NCKAP5: variants seen among roughly 807,000 people sequenced by gnomAD.
NCKAP5 encodes the protein NCK associated protein 5, also known as nck-associated protein 5.
NCKAP5 carries 92 observed loss-of-function variants against 167.0 expected under a neutral mutation model. The ratio of observed to expected loss-of-function variants is 0.55; its 90% CI spans 0.47 to 0.66. The LOEUF is 0.66. NCKAP5 is among the 30% of genes least tolerant of loss of function. NCKAP5 has a pLI of 0.00. For synonymous variants in NCKAP5, 891 were observed against 877.4 expected (o/e 1.02, Z -0.27); for missense variants, 2,378 against 2,315.0 (o/e 1.03, Z -0.56).
intron 4 of NCKAP5, among the ~76,000 whole-genome samples, chr2:133,250,378 T>C (rs915991525): frequency 2.0e-5 from 3 of 152,118 alleles, no homozygotes; most frequent in Admixed American, 1.3e-4. Flanking sequence ...TGCCTCACCC[T>C]GGACACCCAC....
intron 8 of NCKAP5, among the ~76,000 whole-genome samples, chr2:132,918,053 T>G (rs1695019376): frequency 6.6e-6 from 1 of 152,206 alleles, no homozygotes; most frequent in African/African-American, 2.4e-5. Context: ...TCAGGAAGGA[T>G]TTAATGAGTT....
intron 11 of NCKAP5, among the ~76,000 whole-genome samples, chr2:132,808,906 G>A (rs757465743): frequency 6.6e-6 from 1 of 151,896 alleles, no homozygotes; most frequent in African/African-American, 2.4e-5. Context: ...AGGCATTTAG[G>A]GCTCTGAAAT....
In NCKAP5 at chr2:132,673,300, C is replaced by T. The variant is rs1683975086; in HGVS notation, c.5719G>A (p.Glu1907Lys). 6.1e-6 allele frequency: 9 copies of T among 1,473,224 alleles called. No individual in the cohort carries two copies. The highest frequency in any genetic ancestry group is 8.2e-6 in the Non-Finnish European group (9 of 1,091,996). The allele number at this position is 1,473,224 out of a possible 1,614,324, so 91.3% of individuals were successfully genotyped here. ...CGTCTTTTGTTTCTTCAAGTTGTCT[C>T]AATTTCTGCAATAAAAAGAAGAAAA... is the stretch of plus-strand genomic sequence containing the variant. ...KALKSAAPEI[E>K]TT Residue 1907 changes from glutamate (E) to lysine (K), a missense_variant, in exon 20 of 20, where the codon GAG (glutamate) becomes AAG (lysine). By Grantham distance (56) the Glu-to-Lys change is moderately conservative. This residue lies in a region of NCKAP5 where 1,325 missense variants were observed against 1,274.5 expected (regional missense o/e 1.04). Transcript: ENST00000409261.
chr2:133,173,601 C>T (rs899860048), intron 5 of NCKAP5, among the ~76,000 whole-genome samples: 4 of 152,116 alleles, frequency 2.6e-5, no homozygotes, highest in African/African-American at 9.7e-5. Context: ...CCCACTGGTC[C>T]CCCTAACCCT....
At chr2:133,400,482 AGAG>A (rs1161766938) in intron 3 of NCKAP5, among the ~76,000 whole-genome samples, 4 of 152,290 alleles carry the variant, frequency 2.6e-5, no homozygotes, top group South Asian at 4.1e-4. Flanking sequence ...TCTGGAGAGA[AGAG>A]GAGAAGTGAG....
chr2:133,467,384 T>G (rs1692682945), intron 3 of NCKAP5, among the ~76,000 whole-genome samples: 1 of 152,200 alleles, frequency 6.6e-6, no homozygotes, highest in Non-Finnish European at 1.5e-5. Flanking sequence ...TGGATAAGCT[T>G]TTTGATGTGC....
At chr2:133,669,858 A>C in the NCKAP5 span, among the ~76,000 whole-genome samples, 2 of 152,194 alleles carry the variant, frequency 1.3e-5, no homozygotes, top group South Asian at 4.1e-4. Context: ...CTATAGACCC[A>C]CAGATTTAGT....
chr2:133,039,462 G>A (rs545755581), intron 6 of NCKAP5, among the ~76,000 whole-genome samples: 2 of 152,154 alleles, frequency 1.3e-5, no homozygotes, highest in East Asian at 3.9e-4. Flanking sequence ...TTCCTTTTAG[G>A]ATCAGAGTCT....
chr2:133,413,415 C>T (rs1688899464), intron 3 of NCKAP5, among the ~76,000 whole-genome samples: 1 of 151,930 alleles, frequency 6.6e-6, no homozygotes, highest in African/African-American at 2.4e-5. Context: ...TTGTGATTGG[C>T]CTGTACAGAG....
intron 13 of NCKAP5, among the ~76,000 whole-genome samples, chr2:132,789,343 C>T (rs1446158784): frequency 3.9e-5 from 6 of 152,144 alleles, no homozygotes; most frequent in African/African-American, 1.4e-4. Context: ...TTTGATAATG[C>T]AGCAGGCTCT....
In NCKAP5 at chr2:132,895,828, A is replaced by C. The variant is rs1214716980; in HGVS notation, c.580-16912T>G. 9.5e-5 allele frequency among the ~76,000 whole-genome samples: 14 copies of C among 147,200 alleles called. No individual in the cohort carries two copies. The East Asian group carries it at 9.7e-4, about 10-fold the overall frequency. ...AATGAGAAGGACTCAAAAAAAAAAA[A>C]AAAAACAAAAAAAAAAACACAGTAG... On this transcript the variant is annotated intron_variant, in intron 8 of 19. Coordinates refer to ENST00000409261, the MANE Select transcript of NCKAP5 (RefSeq NM_207363.3).
intron 10 of NCKAP5, among the ~76,000 whole-genome samples, chr2:132,868,224 T>C (rs1203299507): frequency 1.3e-5 from 2 of 152,132 alleles, no homozygotes; most frequent in South Asian, 4.1e-4. Flanking sequence ...GAACTAAAAT[T>C]TAGCTTCTCA....
At chr2:133,507,628 T>C (rs1020625487) in intron 3 of NCKAP5, among the ~76,000 whole-genome samples, 1 of 152,144 alleles carries the variant, frequency 6.6e-6, no homozygotes, top group Non-Finnish European at 1.5e-5. Context: ...TAGGAGAGAA[T>C]TGCAAAATTA....
At chr2:132,836,761 T>C (rs1374798680) in intron 11 of NCKAP5, among the ~76,000 whole-genome samples, 2 of 152,262 alleles carry the variant, frequency 1.3e-5, no homozygotes, top group East Asian at 1.9e-4. Flanking sequence ...TAAAGCTTAT[T>C]TTCCACCCCC....
chr2:133,437,117 G>A (rs751234515), intron 3 of NCKAP5, among the ~76,000 whole-genome samples: 1 of 152,094 alleles, frequency 6.6e-6, no homozygotes, highest in Non-Finnish European at 1.5e-5. Flanking sequence ...ACTTTGGGAC[G>A]TCGAGGCGGG....
intron 6 of NCKAP5, among the ~76,000 whole-genome samples, chr2:133,004,427 A>C (rs1478780755): frequency 6.6e-6 from 1 of 152,094 alleles, no homozygotes; most frequent in Non-Finnish European, 1.5e-5. Flanking sequence ...AAAGAGAGAA[A>C]TTTTACAGCT....
chr2:133,344,640 T>A (rs1470845963), intron 3 of NCKAP5, among the ~76,000 whole-genome samples: 1 of 152,074 alleles, frequency 6.6e-6, no homozygotes, highest in Admixed American at 6.6e-5. Context: ...TGTGAAATGC[T>A]TAGATTTGGG....
intron 5 of NCKAP5, among the ~76,000 whole-genome samples, chr2:133,164,366 TG>T (rs1244403634): frequency 6.6e-6 from 1 of 152,204 alleles, no homozygotes; most frequent in African/African-American, 2.4e-5. Context: ...GAGTGAGAGC[TG>T]TGTTTGAATC....
intron 11 of NCKAP5, among the ~76,000 whole-genome samples, chr2:132,849,602 G>T (rs1574414734): frequency 6.6e-6 from 1 of 152,148 alleles, no homozygotes; most frequent in Non-Finnish European, 1.5e-5. Context: ...AATCTCACAA[G>T]ACGAGAAAGG....
Sources: gnomAD v4.1 joint callset for allele counts (sites outside exome capture counted in the v4.1 genomes callset) on GRCh38, gnomAD v4.1.1 for gene constraint, gnomAD v4.1.1 regional missense constraint, MANE v1.5 for transcripts, NCBI Gene and HGNC (gene_info 2026-07-23, HGNC 2026-07-21) for gene names.